ABCA9: variants seen among roughly 807,000 people sequenced by gnomAD.
ABCA9 encodes the protein ATP binding cassette subfamily A member 9.
A neutral mutation model predicts 205.3 loss-of-function variants in ABCA9; 183 were observed. The ratio of observed to expected loss-of-function variants is 0.89; its 90% CI spans 0.79 to 1.01. The LOEUF (loss-of-function observed/expected upper bound fraction) is 1.01, where lower values mean the gene tolerates loss of function less well. ABCA9 is among the 50% of genes least tolerant of loss of function. The pLI, the probability that ABCA9 is intolerant of heterozygous loss-of-function variation, is 0.00. For synonymous variants in ABCA9, 651 were observed against 683.3 expected, an observed-to-expected ratio of 0.95 and a Z score of 0.74; for missense variants, 1,805 against 1,912.4, an observed-to-expected ratio of 0.94 and a Z score of 1.05.
At chr17:69,070,344 G>A in the ABCA9 span, among the ~76,000 whole-genome samples, 2 of 152,280 alleles carry the variant, frequency 1.3e-5, no homozygotes, top group East Asian at 1.9e-4. Flanking sequence ...AGCTCCTAGC[G>A]AGATCAACGC....
rs1555626561 is a variant in ABCA9, at chr17:68,989,294, A to ACC, written c.3956-178_3956-177dup. Among the ~76,000 whole-genome samples the ACC allele has an allele frequency of 4.1e-5, 6 of 146,422 alleles. No homozygotes were observed. The East Asian group carries it at 1.0e-3, about 25-fold the overall frequency. ...CACACACACACACACACACACACAC[A>ACC]CCCCTGAGCATTATAACTAGCTTCA... On this transcript the variant is annotated intron_variant, in intron 30 of 38. Transcript: ENST00000340001.
At chr17:69,018,125 A>C (rs2070691718) in intron 20 of ABCA9, 1 of 366,328 alleles carries the variant, frequency 2.7e-6, no homozygotes, top group East Asian at 4.7e-5. Context: ...GCACAGATTT[A>C]CAAAATGATA....
At chr17:68,985,252 T>C (rs2069193499) in intron 32 of ABCA9, 124 bp from the exon 33 acceptor site, 1 of 1,214,374 alleles carries the variant, frequency 8.2e-7, no homozygotes, top group Admixed American at 2.0e-5. Flanking sequence ...GGTCATAAAA[T>C]TTAAACCACC....
chr17:69,074,919 T>C, the ABCA9 span, among the ~76,000 whole-genome samples: 1 of 152,352 alleles, frequency 6.6e-6, no homozygotes, highest in South Asian at 2.1e-4. Flanking sequence ...TGCTGTTTTT[T>C]AATTTCTTAA....
chr17:69,055,007 G>C (rs2072026925), intron 1 of ABCA9, among the ~76,000 whole-genome samples: 1 of 151,804 alleles, frequency 6.6e-6, no homozygotes, highest in South Asian at 2.1e-4. Flanking sequence ...GATAATCTAA[G>C]AAAGAAGGAA....
chr17:69,036,642 CCAGCATCATGATGA>C (rs1364289397), intron 6 of ABCA9, among the ~76,000 whole-genome samples: 1 of 151,820 alleles, frequency 6.6e-6, no homozygotes, highest in Non-Finnish European at 1.5e-5. Flanking sequence ...AAATAACCAG[CCAGCATCATGATGA>C]CAGGATCAAA....
In ABCA9 at chr17:68,984,062, C is replaced by T. The variant is rs1336835597; in HGVS notation, c.4493G>A (p.Arg1498Lys). Residue 1498 changes from arginine (R) to lysine (K), a missense_variant, in exon 35 of 39, where the codon AGG becomes AAG. By Grantham distance (26) the Arg-to-Lys change is conservative. Transcript: ENST00000340001. ...GGCTTGGACAGGCACTCACCTCAGC[C>T]TTCCTGACACCATGATGGCCACTCG... ...CDRVAIMVSGRLRCIGSIQHL... is the reference protein window; with the variant it reads ...CDRVAIMVSGKLRCIGSIQHL... The T allele has an allele frequency of 3.7e-6, 6 of 1,614,160 alleles. No individual in the cohort carries two copies. Among genetic ancestry groups the T allele is most frequent in the Non-Finnish European group, 4.2e-6 (5 of 1,180,018 alleles).
At chr17:69,035,496 T>A (rs2071302770) in intron 7 of ABCA9, 65 bp from the exon 8 acceptor site, 1 of 1,395,616 alleles carries the variant, frequency 7.2e-7, no homozygotes, top group African/African-American at 1.5e-5. Context: ...AAAAAAGGAA[T>A]TTTATATTAT....
At chr17:69,035,077 G>A (rs2071287375) in intron 8 of ABCA9, among the ~76,000 whole-genome samples, 169 bp downstream of exon 8, 1 of 152,090 alleles carries the variant, frequency 6.6e-6, no homozygotes, top group African/African-American at 2.4e-5. Flanking sequence ...GTGACTTATG[G>A]GGAAACTAAT....
In ABCA9 at chr17:68,992,786, C is replaced by A. The variant is rs193216695; in HGVS notation, c.3624+230G>T. The A allele has an allele frequency of 4.4e-4, 167 of 378,084 alleles. No homozygotes were observed. The East Asian group carries it at 5.6e-3, about 13-fold the overall frequency. 23.4% of individuals were successfully genotyped at this position (378,084 alleles called of 1,614,324 possible). Reference sequence around the variant, plus strand: ...TGAGATAGCGCCATTGCACTCCAGTCTGGGCAACAAGAGTGAAACTCTGTC... The same window carrying A: ...TGAGATAGCGCCATTGCACTCCAGTATGGGCAACAAGAGTGAAACTCTGTC... On this transcript the variant is annotated intron_variant, in intron 27 of 38. Coordinates refer to ENST00000340001, the MANE Select transcript of ABCA9 (RefSeq NM_080283.4).
chr17:69,007,352 G>C (rs557105729), intron 25 of ABCA9, among the ~76,000 whole-genome samples: 17 of 152,236 alleles, frequency 1.1e-4, no homozygotes, highest in African/African-American at 3.4e-4. Flanking sequence ...AGTGAGCTGA[G>C]ATCATTCCAC....
the ABCA9 span, among the ~76,000 whole-genome samples, chr17:69,074,692 T>G: frequency 6.6e-6 from 1 of 152,216 alleles, no homozygotes; most frequent in Non-Finnish European, 1.5e-5. Flanking sequence ...TCTTTACTAT[T>G]GTGAATACTG....
chr17:69,031,555 A>T (rs1368508858), intron 10 of ABCA9, among the ~76,000 whole-genome samples: 2 of 152,218 alleles, frequency 1.3e-5, no homozygotes, highest in African/African-American at 4.8e-5. Flanking sequence ...AAATCAAAGC[A>T]ACCAGAATTG....
In ABCA9 at chr17:69,032,215, G is replaced by C; in HGVS notation, c.1338C>G (p.His446Gln). 6.2e-7 allele frequency: 1 copy of C among 1,613,996 alleles called. No individual in the cohort carries two copies. Among genetic ancestry groups the C allele is most frequent in the Non-Finnish European group, 8.5e-7 (1 of 1,179,918 alleles). Residue 446 changes from histidine (H) to glutamine (Q), a missense_variant, in exon 10 of 39, where the codon CAC (histidine) becomes CAG (glutamine). His to Gln is a conservative substitution (Grantham distance 24). Transcript: ENST00000340001. Reference sequence around the variant, plus strand: ...CAAGGACCACATGATTAGCCCTTCCGTGTTGAAACCAAAAACAGGATTTCA... The same window carrying C: ...CAAGGACCACATGATTAGCCCTTCCCTGTTGAAACCAAAAACAGGATTTCA... The part of the protein sequence containing the change: ...FFLKSCFWFQ[H>Q]GRANHVVLEN...
intron 27 of ABCA9, 185 bp downstream of exon 27, chr17:68,992,831 G>A: frequency 2.1e-6 from 1 of 474,598 alleles, no homozygotes; most frequent in Non-Finnish European, 3.7e-6. Flanking sequence ...AAAAAGGGGG[G>A]GGGTCCAGGT....
At chr17:68,987,139 T>C (rs1176604374) in intron 31 of ABCA9, among the ~76,000 whole-genome samples, 1 of 152,218 alleles carries the variant, frequency 6.6e-6, no homozygotes, top group Non-Finnish European at 1.5e-5. Context: ...ATGTGTTAGG[T>C]GTTTGTTTTA....
chr17:68,979,740 G>T (rs1221231548), intron 37 of ABCA9, among the ~76,000 whole-genome samples: 8 of 152,142 alleles, frequency 5.3e-5, no homozygotes, highest in African/African-American at 1.2e-4. Flanking sequence ...TATGTAGAAA[G>T]CTGAAACTGG....
Position 68,976,152 on chromosome 17 carries a change from G to T in ABCA9, c.4759C>A (p.Gln1587Lys). 1 of 1,614,000 alleles carries T rather than the reference G, an allele frequency of 6.2e-7. No homozygotes were observed. Among genetic ancestry groups the T allele is most frequent in the South Asian group, 1.1e-5 (1 of 91,078 alleles). Residue 1587 changes from glutamine to lysine, a missense_variant, in exon 38 of 39, where the codon CAG becomes AAG. Coordinates refer to ENST00000340001, the MANE Select transcript of ABCA9 (RefSeq NM_080283.4). ...SFDLEEYSLS[Q>K]STLEQVFLEL... ...TGACCCACCTGCTCCAGGGTAGACT[G>T]TGAGAGGCTGTACTCCTCCAGGTCG... is the stretch of plus-strand genomic sequence containing the variant.
At chr17:69,069,419 A>G in the ABCA9 span, among the ~76,000 whole-genome samples, 2 of 152,132 alleles carry the variant, frequency 1.3e-5, no homozygotes, top group Non-Finnish European at 2.9e-5. Flanking sequence ...GGAGGAGGGC[A>G]AAGCCTGTGG....
Sources: allele counts gnomAD v4.1 joint callset (sites outside exome capture counted in the v4.1 genomes callset), GRCh38; gene constraint gnomAD v4.1.1; transcripts MANE v1.5; gene names NCBI Gene and HGNC (gene_info 2026-07-23, HGNC 2026-07-21).